DLGAP5: variants seen among roughly 807,000 people sequenced by gnomAD.
DLGAP5 encodes the protein DLG associated protein 5.
In DLGAP5, 90 loss-of-function variants were observed where a neutral mutation model predicts 99.6. The ratio of observed to expected loss-of-function variants is 0.90; its 90% CI spans 0.76 to 1.08. The LOEUF (loss-of-function observed/expected upper bound fraction) is 1.08, where lower values mean the gene tolerates loss of function less well. Ranked by LOEUF, DLGAP5 falls within the 50% of genes least tolerant of loss-of-function variation. The pLI is 0.00. For synonymous variants in DLGAP5, 311 were observed against 321.3 expected (o/e 0.97, Z 0.34); for missense variants, 1,036 against 983.5 (o/e 1.05, Z -0.71).
At chr14:55,178,248 T>C (rs958086766) in intron 7 of DLGAP5, among the ~76,000 whole-genome samples, 4 of 151,344 alleles carry the variant, frequency 2.6e-5, no homozygotes, top group African/African-American at 9.8e-5. Flanking sequence ...CGAGACTCTG[T>C]CTCAAAAAAA....
chr14:55,183,823 A>G lies in DLGAP5; in HGVS notation c.239-70T>C, dbSNP rs1182007237. The G allele has an allele frequency of 9.5e-6, 13 of 1,372,236 alleles. No individual in the cohort carries two copies. In the Admixed American group the frequency reaches 4.4e-4, roughly 47 times the overall value. The allele number at this position is 1,372,236 out of a possible 1,614,324, so 85.0% of individuals were successfully genotyped here. ...CAGATGAAAAGTTATGCAAATGTAT[A>G]AACAATTATTTTTGTGTCATTTCAA... On this transcript the variant is annotated intron_variant, in intron 2 of 18. Transcript: ENST00000247191.
intron 2 of DLGAP5, among the ~76,000 whole-genome samples, chr14:55,185,206 A>G (rs967698913): frequency 2.6e-5 from 4 of 151,976 alleles, no homozygotes; most frequent in African/African-American, 9.7e-5. Flanking sequence ...ACTTTTATTT[A>G]TTTATTTATT....
intron 13 of DLGAP5, among the ~76,000 whole-genome samples, chr14:55,159,459 G>C (rs1882335416): frequency 1.3e-5 from 2 of 152,302 alleles, no homozygotes. Flanking sequence ...AGATTCAAGA[G>C]ATATTTGAAA....
intron 14 of DLGAP5, 94 bp downstream of exon 14, chr14:55,158,427 AT>A: frequency 9.7e-7 from 1 of 1,035,230 alleles, no homozygotes; most frequent in South Asian, 1.7e-5. Flanking sequence ...GTAAAAAACT[AT>A]TTTTCACCTT....
In DLGAP5 at chr14:55,169,477, A is replaced by G. The variant is rs373524927; in HGVS notation, c.1470T>C (p.Asp490=). ...ERFKQFEGLV[D]DCEYKRGIKE... is the part of the protein sequence containing the mutation. ...TTATACCTCGTTTATATTCACAATC[A>G]TCAACCAGTCCTTCAAACTGTTTAA... The change falls in exon 12 of 19, where the codon GAT becomes GAC. Residue 490 remains aspartate (D), a synonymous_variant. Coordinates refer to ENST00000247191, the MANE Select transcript of DLGAP5 (RefSeq NM_014750.5). The G allele has an allele frequency of 1.2e-5, 19 of 1,613,190 alleles. No homozygotes were observed. In the African/African-American group the frequency reaches 2.4e-4, roughly 20 times the overall value.
intron 15 of DLGAP5, among the ~76,000 whole-genome samples, chr14:55,153,359 G>A (rs892201207): frequency 2.0e-5 from 3 of 152,048 alleles, no homozygotes; most frequent in African/African-American, 7.2e-5. Flanking sequence ...GGCTAACATG[G>A]TGAAACCCCG....
chr14:55,178,265 T>C (rs1457121847), intron 7 of DLGAP5, among the ~76,000 whole-genome samples: 1 of 151,912 alleles, frequency 6.6e-6, no homozygotes, highest in African/African-American at 2.4e-5. Context: ...AAAAAAATTA[T>C]GTTGATAATT....
At chr14:55,179,016 G>A (rs113917747) in intron 7 of DLGAP5, among the ~76,000 whole-genome samples, 3 of 151,956 alleles carry the variant, frequency 2.0e-5, no homozygotes, top group Non-Finnish European at 4.4e-5. Flanking sequence ...CATTGCACTC[G>A]AGCCTGGGCG....
chr14:55,187,350 GCT>G (rs61501066), intron 2 of DLGAP5, among the ~76,000 whole-genome samples: 11,134 of 127,322 alleles, frequency 0.087, 1,238 homozygotes, highest in African/African-American at 0.27. Flanking sequence ...ATGGAGTCTC[GCT>G]CTGTTGCCCA....
rs1027893780 is a variant in DLGAP5 at position 55,174,033 on chromosome 14, C to A, written c.1301+1313G>T. Among the ~76,000 whole-genome samples the A allele has an allele frequency of 1.1e-4, 16 of 152,322 alleles. No individual in the cohort carries two copies. In the East Asian group the frequency reaches 2.9e-3, roughly 28 times the overall value. ...GAGAGATAACCTTAAACTCTGGCCG[C>A]CGGTGAGCCGGGCGGAACAGAGCCA... On this transcript the variant is annotated intron_variant, in intron 10 of 18. Coordinates refer to ENST00000247191, the MANE Select transcript of DLGAP5 (RefSeq NM_014750.5).
intron 7 of DLGAP5, among the ~76,000 whole-genome samples, chr14:55,179,077 T>C (rs1404312399): frequency 1.3e-5 from 2 of 151,980 alleles, no homozygotes; most frequent in Non-Finnish European, 2.9e-5. Flanking sequence ...ATAAACTATA[T>C]CATAGATTAT....
intron 18 of DLGAP5, chr14:55,148,781 T>C (rs1881913254): frequency 5.0e-6 from 2 of 402,780 alleles, no homozygotes; most frequent in Admixed American, 8.0e-5. Flanking sequence ...GTAGATCTTA[T>C]TTCAAATGTA....
At chr14:55,160,772 C>T (rs1003411191) in intron 13 of DLGAP5, among the ~76,000 whole-genome samples, 1 of 151,996 alleles carries the variant, frequency 6.6e-6, no homozygotes, top group Non-Finnish European at 1.5e-5. Context: ...AATTAAGTGC[C>T]TAATAACTTA....
intron 8 of DLGAP5, among the ~76,000 whole-genome samples, 190 bp from the exon 9 acceptor site, chr14:55,176,208 G>A (rs939206537): frequency 1.3e-5 from 2 of 152,126 alleles, no homozygotes; most frequent in African/African-American, 4.8e-5. Flanking sequence ...CTAATTAATT[G>A]TAATCAGATT....
At chr14:55,155,490 G>A (rs772739473) in intron 14 of DLGAP5, among the ~76,000 whole-genome samples, 74 of 146,874 alleles carry the variant, frequency 5.0e-4, no homozygotes, top group Non-Finnish European at 1.0e-3. Context: ...GGGATTACAG[G>A]CACCCGCCAC....
chr14:55,172,196 A>AG (rs1882883091), intron 10 of DLGAP5, among the ~76,000 whole-genome samples: 1 of 142,630 alleles, frequency 7.0e-6, no homozygotes. Flanking sequence ...AAAAAAAAAA[A>AG]TTTAGGGCCA....
chr14:55,148,834 G>A, intron 18 of DLGAP5: 1 of 336,858 alleles, frequency 3.0e-6, no homozygotes, highest in Non-Finnish European at 5.8e-6. Flanking sequence ...CAGAATATAT[G>A]TACAAAAATG....
chr14:55,163,477 T>C (rs549942514), intron 12 of DLGAP5, among the ~76,000 whole-genome samples: 8 of 152,362 alleles, frequency 5.3e-5, no homozygotes, highest in Admixed American at 1.3e-4. Context: ...TGAATAAAGC[T>C]GCTATATTGC....
In DLGAP5 at chr14:55,154,888, C is replaced by T. The variant is rs1034113053; in HGVS notation, c.1874-82G>A. On this transcript the variant is annotated intron_variant, in intron 14 of 18. Transcript: ENST00000247191. ...ACTAGGAATACGGTGAAAATCCTATCAATTAGCCTCTTTCTCCTGTCAAAT... is the reference window on the plus strand; with the variant it reads ...ACTAGGAATACGGTGAAAATCCTATTAATTAGCCTCTTTCTCCTGTCAAAT... 6.7e-6 allele frequency: 8 copies of T among 1,193,792 alleles called. No homozygotes were observed. In the African/African-American group the frequency reaches 1.1e-4, roughly 16 times the overall value. The allele number at this position is 1,193,792 out of a possible 1,614,324, so 73.9% of individuals were successfully genotyped here.
Sources: gnomAD v4.1 joint callset for allele counts (sites outside exome capture counted in the v4.1 genomes callset) on GRCh38, gnomAD v4.1.1 for gene constraint, MANE v1.5 for transcripts, NCBI Gene and HGNC (gene_info 2026-07-23, HGNC 2026-07-21) for gene names.